Variants in TM4SF20 observed in about 807,000 individuals in gnomAD.
The protein encoded by TM4SF20 is transmembrane 4 L6 family member 20.
A neutral mutation model predicts 15.1 loss-of-function variants in TM4SF20; 13 were observed. The observed-to-expected ratio is 0.86, with a 90% CI of 0.56 to 1.36. The LOEUF (loss-of-function observed/expected upper bound fraction) is 1.36, where lower values mean the gene tolerates loss of function less well. Ranked by LOEUF, TM4SF20 falls within the 40% of genes most tolerant of loss-of-function variation. TM4SF20 has a pLI of 0.00. For synonymous variants in TM4SF20, 92 were observed against 96.6 expected, an observed-to-expected ratio of 0.95 and a Z score of 0.28; for missense variants, 282 against 268.4, an observed-to-expected ratio of 1.05 and a Z score of -0.35.
chr2:227,369,966 GTCAA>G (rs1214279640), intron 2 of TM4SF20, among the ~76,000 whole-genome samples: 8 of 152,090 alleles, frequency 5.3e-5, no homozygotes, highest in Non-Finnish European at 1.2e-4. Context: ...CCATTCCTTC[GTCAA>G]TCAAACACAC....
chr2:227,364,428 C>T (rs2076380830), intron 3 of TM4SF20, among the ~76,000 whole-genome samples: 1 of 145,614 alleles, frequency 6.9e-6, no homozygotes, highest in African/African-American at 2.6e-5. Flanking sequence ...TAGTGCAGAA[C>T]TACAGCGTGG....
In TM4SF20 at chr2:227,362,098, T is replaced by A. The variant is rs1404801725; in HGVS notation, c.*1626A>T. 1 of 152,262 alleles carries A rather than the reference T, an allele frequency of 6.6e-6. No individual in the cohort carries two copies. Among genetic ancestry groups the A allele is most frequent in the Non-Finnish European group, 1.5e-5 (1 of 68,046 alleles). The allele number at this position is 152,262 out of a possible 1,614,324, so 9.4% of individuals were successfully genotyped here. A position where few individuals can be genotyped will look rare whatever the true frequency, so the allele number is the denominator to read the frequency against. ...TAATGTAGGTACTGCAAATTATTTC[T>A]GGAACCTTAAGCCCAATGAACATAA... On this transcript the variant is annotated 3_prime_UTR_variant, in exon 4 of 4. Transcript: ENST00000304568.
Position 227,363,702 on chromosome 2 carries a change from C to G in TM4SF20, c.*22G>C. 6.3e-7 allele frequency: 1 copy of G among 1,589,048 alleles called. No homozygotes were observed. Among genetic ancestry groups the G allele is most frequent in the Non-Finnish European group, 8.6e-7 (1 of 1,167,768 alleles). On this transcript the variant is annotated 3_prime_UTR_variant, in exon 4 of 4. Coordinates refer to ENST00000304568, the MANE Select transcript of TM4SF20 (RefSeq NM_024795.4). The stretch of plus-strand genomic sequence containing the variant: ...CTCAAATTAATTCAAACTACTGATA[C>G]TTACATTTTATTCCCATTAAACTAC...
intron 1 of TM4SF20, among the ~76,000 whole-genome samples, chr2:227,378,054 C>A (rs956759018): frequency 6.3e-5 from 9 of 143,736 alleles, no homozygotes; most frequent in Non-Finnish European, 1.1e-4. Flanking sequence ...TCAGTCCTTA[C>A]AGCTTACTCT....
At chr2:227,378,440 T>A (rs556407378) in intron 1 of TM4SF20, among the ~76,000 whole-genome samples, 16 of 152,350 alleles carry the variant, frequency 1.1e-4, no homozygotes, top group African/African-American at 3.8e-4. Flanking sequence ...AGTTCCATCC[T>A]GCACTGCTCT....
chr2:227,363,589 A>G lies in TM4SF20; in HGVS notation c.*135T>C. Reference sequence around the variant, plus strand: ...CTTTCCCAAATCAACCACTGATATGAGAGTGTTATGCATTTACAACGTGCT... The same window carrying G: ...CTTTCCCAAATCAACCACTGATATGGGAGTGTTATGCATTTACAACGTGCT... On this transcript the variant is annotated 3_prime_UTR_variant, in exon 4 of 4. Coordinates refer to ENST00000304568, the MANE Select transcript of TM4SF20 (RefSeq NM_024795.4). The G allele has an allele frequency of 1.2e-6, 1 of 830,826 alleles. No individual in the cohort carries two copies. The highest frequency in any genetic ancestry group is 1.8e-6 in the Non-Finnish European group (1 of 540,580). The allele number at this position is 830,826 out of a possible 1,614,324, so 51.5% of individuals were successfully genotyped here.
intron 1 of TM4SF20, 120 bp from the exon 2 acceptor site, chr2:227,371,100 G>A (rs2076419517): frequency 1.1e-6 from 1 of 879,838 alleles, no homozygotes; most frequent in South Asian, 1.4e-5. Context: ...GAACAAAAAG[G>A]GAATTTGGCA....
rs572116233 is a variant in TM4SF20, at chr2:227,372,971, C to T, written c.184-1991G>A. On this transcript the variant is annotated intron_variant, in intron 1 of 3. Coordinates refer to ENST00000304568, the MANE Select transcript of TM4SF20 (RefSeq NM_024795.4). ...CCTGGGCTCAAGTGATCGCCTCGGC[C>T]TCCTAAAGCATTGAGATTACAGGTG... is the stretch of plus-strand genomic sequence containing the variant. Among the ~76,000 whole-genome samples, 3 of 152,228 alleles carry T rather than the reference C, an allele frequency of 2.0e-5. No homozygotes were observed. In the South Asian group the frequency reaches 6.2e-4, roughly 32 times the overall value.
intron 1 of TM4SF20, among the ~76,000 whole-genome samples, chr2:227,375,328 G>C (rs10178861): frequency 0.47 from 71,224 of 151,902 alleles, 18,491 homozygotes; most frequent in Non-Finnish European, 0.58. Flanking sequence ...AGGAGGTTGA[G>C]GATGCAGTGA....
In TM4SF20 at chr2:227,363,028, G is replaced by A. The variant is rs2076370694; in HGVS notation, c.*696C>T. 1 of 152,022 alleles carries A rather than the reference G, an allele frequency of 6.6e-6. No individual in the cohort carries two copies. Among genetic ancestry groups the A allele is most frequent in the Non-Finnish European group, 1.5e-5 (1 of 67,992 alleles). The allele number at this position is 152,022 out of a possible 1,614,324, so 9.4% of individuals were successfully genotyped here. On this transcript the variant is annotated 3_prime_UTR_variant, in exon 4 of 4. Transcript: ENST00000304568. ...TCTGTGCCCGCTGACCCACTTTTTG[G>A]ATTTGTCCTAGTGTTCCCTGCAAGC...
chr2:227,374,815 G>C (rs905840144), intron 1 of TM4SF20, among the ~76,000 whole-genome samples: 1 of 151,730 alleles, frequency 6.6e-6, no homozygotes, highest in African/African-American at 2.4e-5. Flanking sequence ...TTGCAGCCAG[G>C]CATGGTGGCT....
intron 1 of TM4SF20, among the ~76,000 whole-genome samples, chr2:227,374,854 G>A (rs2076439313): frequency 6.6e-6 from 1 of 150,928 alleles, no homozygotes; most frequent in African/African-American, 2.4e-5. Flanking sequence ...ACTTCGGGAG[G>A]CCAAGACAGG....
At chr2:227,380,755 T>C (rs1036153052), upstream of TM4SF20, among the ~76,000 whole-genome samples, 6 of 152,134 alleles carry the variant, frequency 3.9e-5, no homozygotes, top group Admixed American at 3.3e-4. Flanking sequence ...GGTGAAATAA[T>C]GTATGCAGCG....
intron 3 of TM4SF20, 38 bp downstream of exon 3, chr2:227,366,055 G>A (rs752362293): frequency 1.3e-6 from 2 of 1,591,278 alleles, no homozygotes; most frequent in African/African-American, 1.3e-5. Context: ...TAGTTCAACT[G>A]TGTGAGACAG....
chr2:227,381,273 T>C (rs569452655), upstream of TM4SF20, among the ~76,000 whole-genome samples: 1 of 152,034 alleles, frequency 6.6e-6, no homozygotes, highest in South Asian at 2.1e-4. Context: ...TGAGACGCCA[T>C]CTTAAAACAA....
intron 1 of TM4SF20, among the ~76,000 whole-genome samples, chr2:227,377,548 A>T (rs1025884680): frequency 6.6e-6 from 1 of 152,188 alleles, no homozygotes; most frequent in Non-Finnish European, 1.5e-5. Flanking sequence ...AAATCTGGGG[A>T]TAATACCAGC....
chr2:227,374,087 C>CTA (rs1273787640), intron 1 of TM4SF20, among the ~76,000 whole-genome samples: 1 of 46,634 alleles, frequency 2.1e-5, no homozygotes, highest in Non-Finnish European at 4.6e-5. Flanking sequence ...GAGACCCTGT[C>CTA]TAAAAAAAAA....
chr2:227,366,065 G>A (rs751308734), intron 3 of TM4SF20, 28 bp downstream of exon 3: 4 of 1,602,284 alleles, frequency 2.5e-6, no homozygotes, highest in Non-Finnish European at 3.4e-6. Flanking sequence ...GTGTGAGACA[G>A]TAAGCCTGTG....
upstream of TM4SF20, among the ~76,000 whole-genome samples, chr2:227,380,803 G>C (rs1359207487): frequency 1.3e-5 from 2 of 152,170 alleles, no homozygotes; most frequent in African/African-American, 4.8e-5. Flanking sequence ...GGCGTAGTAG[G>C]CTTAGAGAGC....
Sources: gnomAD v4.1 joint callset for allele counts (sites outside exome capture counted in the v4.1 genomes callset) on GRCh38, gnomAD v4.1.1 for gene constraint, MANE v1.5 for transcripts, NCBI Gene and HGNC (gene_info 2026-07-23, HGNC 2026-07-21) for gene names.